The following GALNS variants were observed in gnomAD, a reference collection of about 807,000 sequenced individuals.
GALNS encodes galactosamine (N-acetyl)-6-sulfatase, also known as N-acetylgalactosamine-6-sulfatase.
GALNS carries 65 observed loss-of-function variants against 65.9 expected under a neutral mutation model. That is an observed-to-expected ratio of 0.99 (90% CI 0.81 to 1.21). The LOEUF is 1.21. Among genes scored for constraint, GALNS ranks in the 50% most tolerant of loss-of-function variants. The pLI is 0.00. For missense variants in GALNS, 776 were observed against 700.7 expected, an observed-to-expected ratio of 1.11 and a Z score of -1.21; for synonymous variants, 346 against 288.9, an observed-to-expected ratio of 1.20 and a Z score of -2.00.
chr16:88,846,882 C>T (rs992450224), intron 1 of GALNS, among the ~76,000 whole-genome samples: 37 of 152,170 alleles, frequency 2.4e-4, no homozygotes, highest in African/African-American at 8.4e-4. Context: ...CGTGTGTGGT[C>T]CCAGGAGGCT....
chr16:88,843,424 A>T, intron 1 of GALNS: 1 of 358,106 alleles, frequency 2.8e-6, no homozygotes, highest in Middle Eastern at 1.0e-3. Context: ...AGGCAGGAGC[A>T]CCCTGAGCGC....
intron 6 of GALNS, 114 bp downstream of exon 6, chr16:88,836,087 C>G: frequency 8.7e-7 from 1 of 1,148,978 alleles, no homozygotes; most frequent in Non-Finnish European, 1.3e-6. Context: ...GAACCCATGC[C>G]TCCCACGGGG....
intron 9 of GALNS, among the ~76,000 whole-genome samples, chr16:88,829,061 G>C (rs1012094567): frequency 1.9e-5 from 2 of 107,280 alleles, no homozygotes; most frequent in East Asian, 3.3e-4. Flanking sequence ...AGAGCTACAC[G>C]GGTCCCGAGT....
intron 9 of GALNS, among the ~76,000 whole-genome samples, chr16:88,829,339 G>C (rs956735669): frequency 2.6e-5 from 4 of 152,190 alleles, no homozygotes; most frequent in Non-Finnish European, 5.9e-5. Flanking sequence ...TGTCCTAGGG[G>C]CACCCCACAC....
At position 88,856,905 on chromosome 16, in the gene GALNS, G is replaced by A. The variant is rs775790429; in HGVS notation, c.-28C>T. ...CAACCACGGGAGCCGCGGAGCCCCG[G>A]CCAGCGAGCCGACCTAGCGAGCGTC... On this transcript the variant is annotated 5_prime_UTR_variant, in exon 1 of 14. Coordinates refer to ENST00000268695, the MANE Select transcript of GALNS (RefSeq NM_000512.5). The A allele has an allele frequency of 4.0e-6, 6 of 1,498,474 alleles. No individual in the cohort carries two copies. Among genetic ancestry groups the A allele is most frequent in the African/African-American group, 1.5e-5 (1 of 68,424 alleles). The allele number at this position is 1,498,474 out of a possible 1,614,324, so 92.8% of individuals were successfully genotyped here. A position where few individuals can be genotyped will look rare whatever the true frequency, so the allele number is the denominator to read the frequency against.
At chr16:88,836,118 C>T in intron 6 of GALNS, 83 bp downstream of exon 6, 1 of 1,326,086 alleles carries the variant, frequency 7.5e-7, no homozygotes, top group East Asian at 2.4e-5. Flanking sequence ...GCATTCCTGT[C>T]CCCACGCCTC....
At chr16:88,854,940 G>A (rs1967714791) in intron 1 of GALNS, among the ~76,000 whole-genome samples, 1 of 152,224 alleles carries the variant, frequency 6.6e-6, no homozygotes, top group Non-Finnish European at 1.5e-5. Flanking sequence ...CACAGTGGAG[G>A]CCACAGAACA....
At chr16:88,815,245 G>A (rs1288744849) in intron 13 of GALNS, 3 of 985,164 alleles carry the variant, frequency 3.0e-6, no homozygotes, top group African/African-American at 3.5e-5. Context: ...TCCCGGGTAT[G>A]GGGGATGCAG....
At chr16:88,825,352 G>GCCTGGATGTCTGGGGCTGGGGTT (rs1910752871) in intron 10 of GALNS, among the ~76,000 whole-genome samples, 1 of 123,480 alleles carries the variant, frequency 8.1e-6, no homozygotes. Flanking sequence ...GGGCTGGGGT[G>GCCTGGATGTCTGGGGCTGGGGTT]TCTGGGCAAC....
At position 88,856,806 on chromosome 16, in the gene GALNS, G is replaced by A. The variant is rs1411541383; in HGVS notation, c.72C>T (p.Ala24=). Residue 24 remains alanine (A), a synonymous_variant, in exon 1 of 14, where the codon GCC becomes GCT. Coordinates refer to ENST00000268695, the MANE Select transcript of GALNS (RefSeq NM_000512.5). ...TGTTGGGGGGCTGCGGGGCGCCCGAGGCCCCCATCCCCGCGGCGCTGAGCA... is the reference window on the plus strand; with the variant it reads ...TGTTGGGGGGCTGCGGGGCGCCCGAAGCCCCCATCCCCGCGGCGCTGAGCA... ...LLVLSAAGMG[A]SGAPQPPNIL... The A allele has an allele frequency of 1.3e-6, 2 of 1,539,410 alleles. No homozygotes were observed. The highest frequency in any genetic ancestry group is 1.7e-6 in the Non-Finnish European group (2 of 1,153,692).
chr16:88,832,159 C>T (rs1028491196), intron 8 of GALNS, 58 bp from the exon 9 acceptor site: 7 of 1,440,296 alleles, frequency 4.9e-6, no homozygotes, highest in Middle Eastern at 1.7e-4. Context: ...GGCCCTCCCC[C>T]TCCCTCCCCA....
intron 13 of GALNS, chr16:88,815,130 C>T (rs1433902430): frequency 1.0e-6 from 1 of 985,388 alleles, no homozygotes; most frequent in African/African-American, 1.7e-5. Flanking sequence ...GGCAGCTACA[C>T]AGACGCTCCC....
At chr16:88,849,806 G>A (rs923730914) in intron 1 of GALNS, among the ~76,000 whole-genome samples, 1 of 152,250 alleles carries the variant, frequency 6.6e-6, no homozygotes, top group Admixed American at 6.5e-5. Flanking sequence ...CTAGAGAGAG[G>A]TGTCCCCTGA....
intron 13 of GALNS, chr16:88,816,508 C>CCGGGGGCGGGGGGGGGGGGGGGGGGGGGG: frequency 1.0e-6 from 1 of 983,274 alleles, no homozygotes; most frequent in Non-Finnish European, 1.2e-6. Flanking sequence ...TGAAACTTGC[C>CCGGGGGCGGGGGGGGGGGGGGGGGGGGGG]AGGCACCCCC....
chr16:88,841,101 G>A lies in GALNS; in HGVS notation c.320-7C>T, dbSNP rs376575160. ...ATCTCCTGCGGTGTGTAGGCTGGAA[G>A]AGCAGCGCTGGGTGAGCCCCGAGGA... On this transcript the variant is annotated splice_region_variant and splice_polypyrimidine_tract_variant and intron_variant, in intron 3 of 13. Transcript: ENST00000268695. 34 of 1,610,848 alleles carry A rather than the reference G, an allele frequency of 2.1e-5. No individual in the cohort carries two copies. Among genetic ancestry groups the A allele is most frequent in the Middle Eastern group, 1.6e-4 (1 of 6,078 alleles).
At chr16:88,851,064 TC>T (rs35588597) in intron 1 of GALNS, among the ~76,000 whole-genome samples, 33,154 of 152,130 alleles carry the variant, frequency 0.22, 4,377 homozygotes, top group East Asian at 0.55. Flanking sequence ...CCAGCTCTCA[TC>T]TGCTGACCCT....
intron 1 of GALNS, 125 bp from the exon 2 acceptor site, chr16:88,842,954 C>A (rs1597584181): frequency 2.0e-6 from 3 of 1,533,008 alleles, no homozygotes; most frequent in East Asian, 2.4e-5. Context: ...TGTGTCCCAG[C>A]CAGCGGCAGA....
chr16:88,837,796 A>G, intron 4 of GALNS, 31 bp from the exon 5 acceptor site: 2 of 1,612,212 alleles, frequency 1.2e-6, no homozygotes, highest in South Asian at 2.2e-5. Flanking sequence ...CACTTCAGGG[A>G]CCCCACGTGG....
intron 2 of GALNS, chr16:88,842,369 A>G: frequency 1.9e-6 from 1 of 513,168 alleles, no homozygotes; most frequent in Middle Eastern, 5.4e-4. Context: ...CCAGGGAGGG[A>G]GGGAGTGGGA....
Sources: gnomAD v4.1 joint callset for allele counts (sites outside exome capture counted in the v4.1 genomes callset) on GRCh38, gnomAD v4.1.1 for gene constraint, MANE v1.5 for transcripts, NCBI Gene and HGNC (gene_info 2026-07-23, HGNC 2026-07-21) for gene names.